Variants in OSR2 observed in about 807,000 individuals in gnomAD.
The protein encoded by OSR2 is protein odd-skipped-related 2.
In OSR2, 8 loss-of-function variants were observed where a neutral mutation model predicts 22.3. The observed-to-expected ratio is 0.36, with a 90% CI of 0.21 to 0.65. The LOEUF (loss-of-function observed/expected upper bound fraction) is 0.65. Among genes scored for constraint, OSR2 ranks in the 30% least tolerant of loss-of-function variants. OSR2 has a pLI of 0.66. For missense variants in OSR2, 311 were observed against 413.4 expected (o/e 0.75, Z 2.15); for synonymous variants, 179 against 173.8 (o/e 1.03, Z -0.23).
Position 98,947,216 on chromosome 8 carries a change from C to T in OSR2, c.-114-1623C>T, listed in dbSNP as rs1403461624. 4.0e-5 allele frequency among the ~76,000 whole-genome samples: 6 copies of T among 151,822 alleles called. No homozygotes were observed. The South Asian group carries it at 1.0e-3, about 26-fold the overall frequency. On this transcript the variant is annotated intron_variant, in intron 1 of 3. Transcript: ENST00000297565. ...AACTCCCAGACCGCATACCACCAAG[C>T]AGAAGCGATTCGTTAATAAATCTCT...
chr8:98,948,242 C>T lies in OSR2; in HGVS notation c.-114-597C>T. On this transcript the variant is annotated intron_variant, in intron 1 of 3. Coordinates refer to ENST00000297565, the MANE Select transcript of OSR2 (RefSeq NM_001142462.3). This position sits in a 1 kb window ranked among gnomAD's most constrained non-coding sequence, Gnocchi z 6.0. ...AGTGCGGGGCGAGGTGAGCCCCTCC[C>T]AGGGCCCTCTGGCCCAGGAGGATGA... The T allele has an allele frequency of 1.3e-6, 2 of 1,490,590 alleles. No homozygotes were observed. The highest frequency in any genetic ancestry group is 1.8e-6 in the Non-Finnish European group (2 of 1,121,528). The allele number at this position is 1,490,590 out of a possible 1,614,324, so 92.3% of individuals were successfully genotyped here.
At chr8:98,947,225 T>C (rs1159286645) in intron 1 of OSR2, among the ~76,000 whole-genome samples, 1 of 151,672 alleles carries the variant, frequency 6.6e-6, no homozygotes, top group East Asian at 2.0e-4. Flanking sequence ...GCAGAAGCGA[T>C]TCGTTAATAA....
chr8:98,951,531 A>T lies in OSR2; in HGVS notation c.769A>T (p.Lys257Ter), dbSNP rs1428938405. The T allele has an allele frequency of 6.3e-7, 1 of 1,590,192 alleles. No individual in the cohort carries two copies. ...KTLHMQESPH[K>*]CPTCGRTFNQ... Reference sequence around the variant, plus strand: ...CACATCTGAACAGGAATCTCCACACAAATGTCCCACATGTGGAAGAACCTT... The same window carrying T: ...CACATCTGAACAGGAATCTCCACACTAATGTCCCACATGTGGAAGAACCTT... Residue 257 changes from lysine (K) to a stop codon, truncating the protein, a stop_gained, in exon 4 of 4, where the codon AAA (lysine) becomes TAA (stop). Transcript: ENST00000297565. LOFTEE classifies it high-confidence loss of function.
intron 1 of OSR2, among the ~76,000 whole-genome samples, chr8:98,947,023 G>A (rs1840629217): frequency 6.6e-6 from 1 of 152,052 alleles, no homozygotes; most frequent in African/African-American, 2.4e-5. Flanking sequence ...TACCAGGAAT[G>A]TTAGTAGAAT....
In OSR2 at chr8:98,948,077, G is replaced by A; in HGVS notation, c.-114-762G>A. 7.5e-7 allele frequency: 1 copy of A among 1,324,856 alleles called. No homozygotes were observed. The highest frequency in any genetic ancestry group is 9.7e-7 in the Non-Finnish European group (1 of 1,034,766). 82.1% of individuals were successfully genotyped at this position (1,324,856 alleles called of 1,614,324 possible). ...GGAAGGGATCTTAGTCGGGGGTTGGGAGGAGAGCCCGTGGATAGGAGGAGG... is the reference window on the plus strand; with the variant it reads ...GGAAGGGATCTTAGTCGGGGGTTGGAAGGAGAGCCCGTGGATAGGAGGAGG... On this transcript the variant is annotated intron_variant, in intron 1 of 3. Coordinates refer to ENST00000297565, the MANE Select transcript of OSR2 (RefSeq NM_001142462.3). This position sits in a 1 kb window ranked among gnomAD's most constrained non-coding sequence, Gnocchi z 6.0.
At position 98,948,730 on chromosome 8, in the gene OSR2, G is replaced by C; in HGVS notation, c.-114-109G>C. 7.6e-7 allele frequency: 1 copy of C among 1,318,392 alleles called. No individual in the cohort carries two copies. Among genetic ancestry groups the C allele is most frequent in the Non-Finnish European group, 1.0e-6 (1 of 990,398 alleles). The allele number at this position is 1,318,392 out of a possible 1,614,324, so 81.7% of individuals were successfully genotyped here. On this transcript the variant is annotated intron_variant, in intron 1 of 3. Transcript: ENST00000297565. The surrounding 1 kb of genome is among the most constrained non-coding windows in gnomAD (Gnocchi z 6.0). ...ACGGCTTTCGGGGGGTCTTGGAGTCGGGTGGGGAGGGAGACTTAGGTGTGG... is the reference window on the plus strand; with the variant it reads ...ACGGCTTTCGGGGGGTCTTGGAGTCCGGTGGGGAGGGAGACTTAGGTGTGG...
At chr8:98,947,687 G>T (rs1003611492) in intron 1 of OSR2, among the ~76,000 whole-genome samples, 10 of 152,172 alleles carry the variant, frequency 6.6e-5, no homozygotes, top group Admixed American at 6.5e-4. Flanking sequence ...GAGGGGAAGC[G>T]CCCTGCTTAG....
chr8:98,950,377 T>C (rs1443672319), intron 2 of OSR2, among the ~76,000 whole-genome samples: 2 of 152,036 alleles, frequency 1.3e-5, no homozygotes, highest in Non-Finnish European at 2.9e-5. Flanking sequence ...GAGAAAACCA[T>C]GGAGGCCAAG....
intron 2 of OSR2, among the ~76,000 whole-genome samples, chr8:98,950,097 C>G (rs1412856205): frequency 6.6e-6 from 1 of 150,770 alleles, no homozygotes; most frequent in Non-Finnish European, 1.5e-5. Flanking sequence ...ACCGAATTTA[C>G]AAACAGCTCC....
At chr8:98,947,998 G>A (rs892516572) in intron 1 of OSR2, among the ~76,000 whole-genome samples, 3 of 152,158 alleles carry the variant, frequency 2.0e-5, no homozygotes, top group Non-Finnish European at 4.4e-5. Flanking sequence ...GGGTTCCTCT[G>A]GCCTCAGGGA....
At chr8:98,951,344 C>T (rs1185633312) in intron 3 of OSR2, among the ~76,000 whole-genome samples, 175 bp from the exon 4 acceptor site, 1 of 152,148 alleles carries the variant, frequency 6.6e-6, no homozygotes, top group Non-Finnish European at 1.5e-5. Flanking sequence ...TATGCCTGCA[C>T]GTGTATTTTC....
intron 3 of OSR2, chr8:98,950,974 T>C (rs1840766207): frequency 3.3e-6 from 2 of 599,980 alleles, no homozygotes; most frequent in Non-Finnish European, 2.9e-6. Context: ...ACTTTGATTA[T>C]CATAAATCCT....
Position 98,948,583 on chromosome 8 carries a change from G to A in OSR2, c.-114-256G>A. 1 of 1,107,560 alleles carries A rather than the reference G, an allele frequency of 9.0e-7. No homozygotes were observed. Among genetic ancestry groups the A allele is most frequent in the South Asian group, 1.7e-5 (1 of 58,954 alleles). The allele number at this position is 1,107,560 out of a possible 1,614,324, so 68.6% of individuals were successfully genotyped here. A position where few individuals can be genotyped will look rare whatever the true frequency, so the allele number is the denominator to read the frequency against. On this transcript the variant is annotated intron_variant, in intron 1 of 3. Transcript: ENST00000297565. This position sits in a 1 kb window ranked among gnomAD's most constrained non-coding sequence, Gnocchi z 6.0. ...GAGTCTTCCGCTCCGTATCTGCCTA[G>A]AGTCTGAATCCGACTTTCTTTCCTT...
chr8:98,951,008 A>G (rs1840766981), intron 3 of OSR2: 1 of 595,248 alleles, frequency 1.7e-6, no homozygotes, highest in African/African-American at 1.9e-5. Context: ...TTTTCATCCA[A>G]TCTGTCCTGC....
In OSR2 at chr8:98,948,124, A is replaced by G; in HGVS notation, c.-114-715A>G. 7.3e-7 allele frequency: 1 copy of G among 1,375,256 alleles called. No individual in the cohort carries two copies. The highest frequency in any genetic ancestry group is 1.7e-5 in the South Asian group (1 of 58,766). The allele number at this position is 1,375,256 out of a possible 1,614,324, so 85.2% of individuals were successfully genotyped here. A position where few individuals can be genotyped will look rare whatever the true frequency, so the allele number is the denominator to read the frequency against. ...GAGGGGGCGATTCTAGGCCGAATCC[A>G]GCCCCTGAGGTGTCACTTTTCTTTC... On this transcript the variant is annotated intron_variant, in intron 1 of 3. Coordinates refer to ENST00000297565, the MANE Select transcript of OSR2 (RefSeq NM_001142462.3). This position sits in a 1 kb window ranked among gnomAD's most constrained non-coding sequence, Gnocchi z 6.0.
rs1840668922 is a variant in OSR2, at chr8:98,948,271, G to A, written c.-114-568G>A. 1.7e-5 allele frequency: 25 copies of A among 1,513,456 alleles called. No individual in the cohort carries two copies. The highest frequency in any genetic ancestry group is 2.0e-5 in the Non-Finnish European group (23 of 1,133,512). The allele number at this position is 1,513,456 out of a possible 1,614,324, so 93.8% of individuals were successfully genotyped here. On this transcript the variant is annotated intron_variant, in intron 1 of 3. Transcript: ENST00000297565. The surrounding 1 kb of genome is among the most constrained non-coding windows in gnomAD (Gnocchi z 6.0). ...GCCCTCTGGCCCAGGAGGATGAAGCGCGCCGGCTTCGCTCTTGCACGCCGG... is the reference window on the plus strand; with the variant it reads ...GCCCTCTGGCCCAGGAGGATGAAGCACGCCGGCTTCGCTCTTGCACGCCGG...
Position 98,948,384 on chromosome 8 carries a change from A to C in OSR2, c.-114-455A>C, listed in dbSNP as rs1219311504. ...GATCTCACGACCCATCCGTTAACCC[A>C]CCGTTCCCAGGAGCTCCGAGGCGCA... is the stretch of plus-strand genomic sequence containing the variant. On this transcript the variant is annotated intron_variant, in intron 1 of 3. Coordinates refer to ENST00000297565, the MANE Select transcript of OSR2 (RefSeq NM_001142462.3). This position sits in a 1 kb window ranked among gnomAD's most constrained non-coding sequence, Gnocchi z 6.0. 15 of 1,476,908 alleles carry C rather than the reference A, an allele frequency of 1.0e-5. No individual in the cohort carries two copies. In the East Asian group the frequency reaches 3.4e-4, roughly 33 times the overall value. The allele number at this position is 1,476,908 out of a possible 1,614,324, so 91.5% of individuals were successfully genotyped here. A position where few individuals can be genotyped will look rare whatever the true frequency, so the allele number is the denominator to read the frequency against.
chr8:98,950,113 C>A (rs1479081485), intron 2 of OSR2, among the ~76,000 whole-genome samples: 2 of 152,092 alleles, frequency 1.3e-5, no homozygotes, highest in East Asian at 3.9e-4. Flanking sequence ...GCTCCCACCT[C>A]CCTTCCGCGA....
chr8:98,944,936 T>C (rs1840560611), intron 1 of OSR2, 113 bp downstream of exon 1: 1 of 152,132 alleles, frequency 6.6e-6, no homozygotes, highest in Admixed American at 6.6e-5. Flanking sequence ...GATGTGAAAA[T>C]AGATCATGGG....
Sources: allele counts gnomAD v4.1 joint callset (sites outside exome capture counted in the v4.1 genomes callset), GRCh38; gene constraint gnomAD v4.1.1; non-coding constraint Gnocchi (gnomAD v3.1); transcripts MANE v1.5; gene names NCBI Gene and HGNC (gene_info 2026-07-23, HGNC 2026-07-21).